Variants in KLF12 observed in about 807,000 individuals in gnomAD.
The protein encoded by KLF12 is Krueppel-like factor 12.
A neutral mutation model predicts 37.8 loss-of-function variants in KLF12; 9 were observed. The ratio of observed to expected loss-of-function variants is 0.24; its 90% CI spans 0.14 to 0.42. The LOEUF (loss-of-function observed/expected upper bound fraction) is 0.42. Ranked by LOEUF, KLF12 falls within the 10% of genes least tolerant of loss-of-function variation. KLF12 has a pLI of 1.00. For missense variants in KLF12, 411 were observed against 516.0 expected (o/e 0.80, Z 1.97); for synonymous variants, 208 against 202.1 (o/e 1.03, Z -0.25).
chr13:73,725,773 T>C (rs1453528085), intron 6 of KLF12, among the ~76,000 whole-genome samples: 1 of 151,986 alleles, frequency 6.6e-6, no homozygotes, highest in African/African-American at 2.4e-5. Context: ...TTATAACTTG[T>C]TAGCTATGGT....
the KLF12 span, chr13:74,258,161 T>TGTGTG: frequency 1.5e-5 from 2 of 133,948 alleles, no homozygotes; most frequent in African/African-American, 3.0e-5. Flanking sequence ...ATTACTGTGT[T>TGTGTG]TGTGTGTGTG....
chr13:74,040,476 G>A (rs539674789), intron 1 of KLF12, among the ~76,000 whole-genome samples: 2 of 152,250 alleles, frequency 1.3e-5, no homozygotes, highest in South Asian at 2.1e-4. Flanking sequence ...AAGACCTGGG[G>A]AGCCTCCATT....
chr13:74,091,009 A>C (rs1206669004), intron 1 of KLF12, among the ~76,000 whole-genome samples: 1 of 152,022 alleles, frequency 6.6e-6, no homozygotes. Flanking sequence ...AAACAAGACC[A>C]GTGTGGTTTT....
At chr13:73,892,178 T>C (rs1282659930) in intron 3 of KLF12, among the ~76,000 whole-genome samples, 1 of 152,120 alleles carries the variant, frequency 6.6e-6, no homozygotes, top group Admixed American at 6.6e-5. Flanking sequence ...CAAATTCTTC[T>C]TCATCATCAG....
the KLF12 span, chr13:74,289,108 A>C: frequency 6.6e-6 from 1 of 152,180 alleles, no homozygotes; most frequent in East Asian, 1.9e-4. Flanking sequence ...TTTTAAGACT[A>C]GTCAAGTGCA....
intron 1 of KLF12, among the ~76,000 whole-genome samples, chr13:74,123,490 A>G (rs1191465109): frequency 6.6e-6 from 1 of 152,206 alleles, no homozygotes; most frequent in African/African-American, 2.4e-5. Flanking sequence ...TGTAGGACAA[A>G]GCCCATGTTT....
At chr13:73,843,476 T>A (rs150801567) in intron 4 of KLF12, among the ~76,000 whole-genome samples, 2,880 of 152,082 alleles carry the variant, frequency 0.019, 44 homozygotes, top group Non-Finnish European at 0.03. Flanking sequence ...CCTGGCTAAT[T>A]TTTTGTATCT....
chr13:74,255,911 T>C, the KLF12 span, among the ~76,000 whole-genome samples: 2,310 of 152,124 alleles, frequency 0.015, 70 homozygotes, highest in African/African-American at 0.052. Context: ...ATCCCAGCAC[T>C]TTGGGAGGCT....
At chr13:73,786,001 C>T (rs1881318735) in intron 5 of KLF12, among the ~76,000 whole-genome samples, 1 of 152,136 alleles carries the variant, frequency 6.6e-6, no homozygotes, top group Admixed American at 6.5e-5. Context: ...AACTAAGCTT[C>T]TGTGTGCAAG....
the KLF12 span, among the ~76,000 whole-genome samples, chr13:74,298,603 A>G: frequency 6.6e-6 from 1 of 152,172 alleles, no homozygotes; most frequent in South Asian, 2.1e-4. Context: ...AGAGAGGCTA[A>G]AATGGCAGGG....
intron 1 of KLF12, among the ~76,000 whole-genome samples, chr13:74,013,195 C>T (rs1190864643): frequency 6.6e-6 from 1 of 152,236 alleles, no homozygotes; most frequent in Non-Finnish European, 1.5e-5. Context: ...TACCAAAAGG[C>T]TAACTGGGCA....
chr13:73,938,939 C>A (rs181260132), intron 3 of KLF12, among the ~76,000 whole-genome samples: 5 of 152,162 alleles, frequency 3.3e-5, no homozygotes, highest in Admixed American at 2.6e-4. Flanking sequence ...GCATCAGGCT[C>A]GCTTCCCCAA....
At chr13:73,904,469 C>CTTTTTTTTTTTTTTTTTTTTTTTTTCTT (rs11342071) in intron 3 of KLF12, among the ~76,000 whole-genome samples, 1 of 92,030 alleles carries the variant, frequency 1.1e-5, no homozygotes, top group African/African-American at 4.5e-5. Flanking sequence ...TCTTTCTTTC[C>CTTTTTTTTTTTTTTTTTTTTTTTTTCTT]TTTTTTTTTT....
intron 3 of KLF12, among the ~76,000 whole-genome samples, chr13:73,909,561 C>A (rs1888474287): frequency 6.6e-6 from 1 of 152,116 alleles, no homozygotes; most frequent in Non-Finnish European, 1.5e-5. Flanking sequence ...GCCACATATA[C>A]CTAAACAGAT....
At chr13:74,134,021 G>A (rs1169515110), upstream of KLF12, among the ~76,000 whole-genome samples, 1 of 152,096 alleles carries the variant, frequency 6.6e-6, no homozygotes, top group Non-Finnish European at 1.5e-5. Flanking sequence ...GGTGGAGGCT[G>A]CCGAGTTGCG....
intron 6 of KLF12, among the ~76,000 whole-genome samples, chr13:73,725,971 C>T (rs1170155407): frequency 3.3e-5 from 5 of 151,886 alleles, no homozygotes; most frequent in African/African-American, 1.2e-4. Context: ...TAGGTCCAAG[C>T]GATTCTCCTG....
In KLF12 at chr13:74,034,548, T is replaced by A. The variant is rs188544624; in HGVS notation, c.-31-39495A>T. Among the ~76,000 whole-genome samples the A allele has an allele frequency of 4.9e-3, 747 of 152,364 alleles. 2 individuals carry two copies. Among genetic ancestry groups the A allele is most frequent in the Middle Eastern group, 0.017 (5 of 294 alleles). ...ATTTAAACTGACAAAACTTTTATTA[T>A]AAAAGTGTTTGAAGTAGTCAAATTC... On this transcript the variant is annotated intron_variant, in intron 1 of 7. Coordinates refer to ENST00000377669, the MANE Select transcript of KLF12 (RefSeq NM_007249.5).
chr13:73,850,476 G>A (rs925101996), intron 3 of KLF12, among the ~76,000 whole-genome samples: 2 of 152,104 alleles, frequency 1.3e-5, no homozygotes, highest in African/African-American at 4.8e-5. Flanking sequence ...TTTTATTACA[G>A]TCTGTCTGTG....
At chr13:73,829,236 G>C (rs1348900312) in intron 4 of KLF12, among the ~76,000 whole-genome samples, 1 of 151,934 alleles carries the variant, frequency 6.6e-6, no homozygotes, top group Non-Finnish European at 1.5e-5. Context: ...ACAATTCCCG[G>C]GTAAAGCAAA....
Sources: gnomAD v4.1 joint callset for allele counts (sites outside exome capture counted in the v4.1 genomes callset) on GRCh38, gnomAD v4.1.1 for gene constraint, MANE v1.5 for transcripts, NCBI Gene and HGNC (gene_info 2026-07-23, HGNC 2026-07-21) for gene names.